MAPKAP1: variants seen among roughly 807,000 people sequenced by gnomAD.
MAPKAP1 encodes target of rapamycin complex 2 subunit MAPKAP1.
Under a neutral mutation model 65.7 loss-of-function variants are expected in MAPKAP1, and 20 were observed. That is an observed-to-expected ratio of 0.30 (90% CI 0.21 to 0.44). The LOEUF is 0.44. MAPKAP1 is among the 20% of genes least tolerant of loss of function. The probability of loss-of-function intolerance (pLI) is 1.00; values close to 1 mark genes in which losing one functional copy is unlikely to be tolerated. For synonymous variants in MAPKAP1, 222 were observed against 244.3 expected (o/e 0.91, Z 0.85); for missense variants, 423 against 648.0 (o/e 0.65, Z 3.77).
intron 7 of MAPKAP1, among the ~76,000 whole-genome samples, chr9:125,529,566 T>C: frequency 6.6e-6 from 1 of 152,124 alleles, no homozygotes; most frequent in Non-Finnish European, 1.5e-5. Context: ...AGTTTTGCTA[T>C]GATTTGATAT....
rs78280052 is a variant in MAPKAP1, at chr9:125,668,246, C to T, written c.349+1572G>A. On this transcript the variant is annotated intron_variant, in intron 3 of 11. Coordinates refer to ENST00000265960, the MANE Select transcript of MAPKAP1 (RefSeq NM_001006617.3). ...AGCTGGACACAAAACATCTCATTAT[C>T]ACACTTCCCTCCATGTTGGGTAACT... Among the ~76,000 whole-genome samples the T allele has an allele frequency of 0.012, 1,898 of 152,284 alleles. 114 individuals are homozygous for T. In the East Asian group the frequency reaches 0.2, roughly 16 times the overall value.
chr9:125,453,171 C>T (rs1259198419), intron 10 of MAPKAP1, among the ~76,000 whole-genome samples: 4 of 152,204 alleles, frequency 2.6e-5, no homozygotes, highest in Non-Finnish European at 5.9e-5. Context: ...AATTCTCCTG[C>T]CTCAGCCTTC....
chr9:125,602,804 T>C (rs955297162), intron 4 of MAPKAP1, among the ~76,000 whole-genome samples: 2 of 152,170 alleles, frequency 1.3e-5, no homozygotes, highest in Non-Finnish European at 2.9e-5. Flanking sequence ...TTAAGTAGGC[T>C]GTTCCAAAAC....
At chr9:125,510,731 G>A (rs770211857) in intron 7 of MAPKAP1, among the ~76,000 whole-genome samples, 2 of 152,138 alleles carry the variant, frequency 1.3e-5, no homozygotes, top group African/African-American at 2.4e-5. Context: ...TATGAAACTC[G>A]ATATCTAAAT....
chr9:125,490,644 T>C (rs919840526), intron 8 of MAPKAP1, among the ~76,000 whole-genome samples: 1 of 152,236 alleles, frequency 6.6e-6, no homozygotes, highest in South Asian at 2.1e-4. Context: ...CACAATTATC[T>C]GAAAAGGCTA....
At chr9:125,552,553 CAT>C (rs1241372889) in intron 6 of MAPKAP1, among the ~76,000 whole-genome samples, 1 of 152,112 alleles carries the variant, frequency 6.6e-6, no homozygotes, top group African/African-American at 2.4e-5. Flanking sequence ...ATAATGGACA[CAT>C]ATTAATTATA....
intron 3 of MAPKAP1, among the ~76,000 whole-genome samples, chr9:125,667,276 C>T (rs1197245329): frequency 1.3e-5 from 2 of 152,186 alleles, no homozygotes; most frequent in African/African-American, 4.8e-5. Flanking sequence ...TTACTTCTCA[C>T]ATTGTAAAAG....
intron 3 of MAPKAP1, among the ~76,000 whole-genome samples, chr9:125,658,357 T>C (rs1002264814): frequency 3.3e-5 from 5 of 152,242 alleles, no homozygotes; most frequent in African/African-American, 1.2e-4. Flanking sequence ...CTAACATTTA[T>C]TGCTGCTCGG....
At chr9:125,572,138 A>C (rs1831253478) in intron 5 of MAPKAP1, among the ~76,000 whole-genome samples, 1 of 152,162 alleles carries the variant, frequency 6.6e-6, no homozygotes. Context: ...GAAACTAGTT[A>C]TTTTCCCAAG....
At chr9:125,489,735 G>A (rs1441595664) in intron 8 of MAPKAP1, among the ~76,000 whole-genome samples, 1 of 152,190 alleles carries the variant, frequency 6.6e-6, no homozygotes, top group East Asian at 1.9e-4. Context: ...GCAGAGAGGA[G>A]TTGAGGAAGG....
intron 7 of MAPKAP1, among the ~76,000 whole-genome samples, chr9:125,509,362 T>C (rs1439273708): frequency 6.6e-6 from 1 of 152,256 alleles, no homozygotes; most frequent in Non-Finnish European, 1.5e-5. Flanking sequence ...TTATAATTGA[T>C]AGTGGAATTA....
chr9:125,706,693 T>C (rs951428158), intron 1 of MAPKAP1, among the ~76,000 whole-genome samples: 3 of 151,414 alleles, frequency 2.0e-5, no homozygotes, highest in African/African-American at 7.3e-5. Flanking sequence ...TATTGCCAAG[T>C]GCAGGCCCAG....
At chr9:125,610,093 G>C (rs954707727) in intron 4 of MAPKAP1, among the ~76,000 whole-genome samples, 3 of 152,138 alleles carry the variant, frequency 2.0e-5, no homozygotes, top group African/African-American at 7.2e-5. Flanking sequence ...AGCTTTTTTG[G>C]AGGGAAAGTT....
chr9:125,520,883 A>T (rs1349494330), intron 7 of MAPKAP1, among the ~76,000 whole-genome samples: 1 of 152,042 alleles, frequency 6.6e-6, no homozygotes, highest in African/African-American at 2.4e-5. Flanking sequence ...GATCTAGCTG[A>T]CTCACCTGGA....
intron 7 of MAPKAP1, among the ~76,000 whole-genome samples, chr9:125,541,669 C>T (rs1415849906): frequency 6.6e-6 from 1 of 152,152 alleles, no homozygotes; most frequent in African/African-American, 2.4e-5. Context: ...GTTTGACCCC[C>T]ACGCAATGGA....
intron 4 of MAPKAP1, among the ~76,000 whole-genome samples, chr9:125,646,209 G>A (rs1833721692): frequency 6.6e-6 from 1 of 152,126 alleles, no homozygotes; most frequent in Admixed American, 6.6e-5. Flanking sequence ...TATTATAAAT[G>A]CCTGGGATAG....
Position 125,439,351 on chromosome 9 carries a change from C to T in MAPKAP1, c.1444-339G>A, listed in dbSNP as rs1000863350. 6.6e-6 allele frequency among the ~76,000 whole-genome samples: 1 copy of T among 152,256 alleles called. No individual in the cohort carries two copies. The highest frequency in any genetic ancestry group is 2.4e-5 in the African/African-American group (1 of 41,478). Reference sequence around the variant, plus strand: ...CTGGGCTGCCTGGCTATGCCTCCCACCTGCTGTGTGACCTGGACAAGCACA... The same window carrying T: ...CTGGGCTGCCTGGCTATGCCTCCCATCTGCTGTGTGACCTGGACAAGCACA... On this transcript the variant is annotated intron_variant, in intron 11 of 11. Coordinates refer to ENST00000265960, the MANE Select transcript of MAPKAP1 (RefSeq NM_001006617.3). This position sits in a 1 kb window ranked among gnomAD's most constrained non-coding sequence, Gnocchi z 4.0.
At position 125,438,744 on chromosome 9, in the gene MAPKAP1, C is replaced by G; in HGVS notation, c.*143G>C. On this transcript the variant is annotated 3_prime_UTR_variant, in exon 12 of 12. Coordinates refer to ENST00000265960, the MANE Select transcript of MAPKAP1 (RefSeq NM_001006617.3). ...CCTCCTAGGGGGCCCCCGACACCTT[C>G]CCCGAGAGCCCACCTGCCCTGTGCC... The G allele has an allele frequency of 8.7e-7, 1 of 1,152,830 alleles. No homozygotes were observed. The highest frequency in any genetic ancestry group is 1.5e-5 in the South Asian group (1 of 66,146). 71.4% of individuals were successfully genotyped at this position (1,152,830 alleles called of 1,614,324 possible).
rs918540149 is a variant in MAPKAP1, at chr9:125,630,640, C to T, written c.498+27011G>A. Among the ~76,000 whole-genome samples the T allele has an allele frequency of 6.6e-5, 10 of 152,260 alleles. No individual in the cohort carries two copies. The East Asian group carries it at 1.2e-3, about 18-fold the overall frequency. On this transcript the variant is annotated intron_variant, in intron 4 of 11. Transcript: ENST00000265960. ...AGGACACAAACAGCCAACACTGAAC[C>T]CTTAATCATGGAAAGATGATTAACA...
Sources: allele counts gnomAD v4.1 joint callset (sites outside exome capture counted in the v4.1 genomes callset), GRCh38; gene constraint gnomAD v4.1.1; non-coding constraint Gnocchi (gnomAD v3.1); transcripts MANE v1.5; gene names NCBI Gene and HGNC (gene_info 2026-07-23, HGNC 2026-07-21).